DMD: variants seen among roughly 807,000 people sequenced by gnomAD.
The protein encoded by DMD is mutant dystrophin.
A neutral mutation model predicts 330.1 loss-of-function variants in DMD; 63 were observed. That is an observed-to-expected ratio of 0.19 (90% CI 0.16 to 0.24). The LOEUF (loss-of-function observed/expected upper bound fraction) is 0.24, where lower values mean the gene tolerates loss of function less well. Ranked by LOEUF, DMD falls within the 10% of genes least tolerant of loss-of-function variation. The pLI, the probability that DMD is intolerant of heterozygous loss-of-function variation, is 1.00. For missense variants in DMD, 3,344 were observed against 2,684.1 expected (o/e 1.25, Z -5.43); for synonymous variants, 1,223 against 959.8 (o/e 1.27, Z -5.07).
chrX:31,787,476 T>C (rs2091361159), intron 50 of DMD, among the ~76,000 whole-genome samples: 1 of 112,431 alleles, frequency 8.9e-6, no homozygotes, highest in African/African-American at 3.2e-5. Context: ...TGTTGGCATA[T>C]TTATTGTTTA....
chrX:31,399,115 C>T (rs2061073635), intron 60 of DMD, among the ~76,000 whole-genome samples: 1 of 111,097 alleles, frequency 9.0e-6, no homozygotes, highest in African/African-American at 3.3e-5. Flanking sequence ...TTTTCACCCA[C>T]ACGCATGGCA....
intron 71 of DMD, among the ~76,000 whole-genome samples, chrX:31,173,859 C>A (rs1421311878): frequency 8.9e-6 from 1 of 111,822 alleles, no homozygotes; most frequent in East Asian, 2.8e-4. Context: ...AAATTCCCAT[C>A]GTAGAAAAGG....
intron 2 of DMD, among the ~76,000 whole-genome samples, chrX:32,944,446 G>A (rs1241767437): frequency 1.8e-5 from 2 of 111,368 alleles, no homozygotes; most frequent in Non-Finnish European, 3.8e-5. Flanking sequence ...ACTGCATTGT[G>A]TAAAGCAGGG....
chrX:31,778,451 A>G (rs1322856885), intron 50 of DMD, among the ~76,000 whole-genome samples: 1 of 111,183 alleles, frequency 9.0e-6, no homozygotes, highest in Non-Finnish European at 1.9e-5. Flanking sequence ...GAAAAACATT[A>G]CTTAAAATAT....
At chrX:31,399,645 T>G (rs909259019) in intron 60 of DMD, among the ~76,000 whole-genome samples, 3 of 111,282 alleles carry the variant, frequency 2.7e-5, no homozygotes, top group African/African-American at 9.8e-5. Flanking sequence ...GATACTGACC[T>G]GGAGGGAGAG....
At chrX:32,595,715 T>A in intron 13 of DMD, 42 bp downstream of exon 13, 1 of 1,185,362 alleles carries the variant, frequency 8.4e-7, no homozygotes, top group Admixed American at 2.2e-5. Context: ...GTTATAGTTC[T>A]TTTAAAGGAC....
At chrX:31,254,322 A>G (rs1450882510) in intron 63 of DMD, among the ~76,000 whole-genome samples, 1 of 98,650 alleles carries the variant, frequency 1.0e-5, no homozygotes, top group East Asian at 3.6e-4. Context: ...ATTTTATTGT[A>G]TTTATAATTA....
chrX:32,306,431 T>C (rs2097540500), intron 42 of DMD, among the ~76,000 whole-genome samples: 2 of 110,865 alleles, frequency 1.8e-5, no homozygotes. Flanking sequence ...TTGTCTCTAT[T>C]TCTTGATCCT....
At chrX:32,280,322 A>G (rs1022164089) in intron 43 of DMD, among the ~76,000 whole-genome samples, 2 of 108,889 alleles carry the variant, frequency 1.8e-5, no homozygotes, top group African/African-American at 6.7e-5. Context: ...GACTGAATCC[A>G]CGGGATTCCT....
chrX:32,493,934 T>C lies in DMD; in HGVS notation c.2381-2416A>G, dbSNP rs147507969. Among the ~76,000 whole-genome samples the C allele has an allele frequency of 7.3e-3, 820 of 111,665 alleles. 2 individuals are homozygous for C. Among genetic ancestry groups the C allele is most frequent in the Middle Eastern group, 0.018 (4 of 218 alleles). Reference sequence around the variant, plus strand: ...AGAAATGCTAAATTAAAGGGACCGATAGACTGATGCTGGATTGAGTCTTAT... The same window carrying C: ...AGAAATGCTAAATTAAAGGGACCGACAGACTGATGCTGGATTGAGTCTTAT... On this transcript the variant is annotated intron_variant, in intron 19 of 78. Transcript: ENST00000357033.
intron 1 of DMD, among the ~76,000 whole-genome samples, chrX:33,063,520 C>T (rs760380444): frequency 9.0e-6 from 1 of 111,710 alleles, no homozygotes; most frequent in African/African-American, 3.2e-5. Flanking sequence ...ACACTAACAC[C>T]GTCAGAGTAA....
intron 9 of DMD, among the ~76,000 whole-genome samples, chrX:32,693,385 G>A (rs1323438731): frequency 1.8e-5 from 2 of 112,154 alleles, no homozygotes; most frequent in African/African-American, 6.5e-5. Flanking sequence ...CACATGATTA[G>A]TTATCAGGAT....
chrX:32,228,660 A>G (rs1208862103), intron 43 of DMD, among the ~76,000 whole-genome samples: 2 of 111,734 alleles, frequency 1.8e-5, no homozygotes, highest in Non-Finnish European at 3.8e-5. Flanking sequence ...GGTCTCCTTT[A>G]TAAAATGTGA....
rs781310446 is a variant in DMD, at chrX:32,618,492, C to T, written c.1332-4039G>A. Among the ~76,000 whole-genome samples the T allele has an allele frequency of 2.5e-4, 28 of 110,945 alleles. No homozygotes were observed. In the East Asian group the frequency reaches 5.1e-3, roughly 20 times the overall value. ...CACATGGGCACATAGAGGGAAACAA[C>T]AGACATGGGGCCTATTGGAGTTTGG... On this transcript the variant is annotated intron_variant, in intron 11 of 78. Coordinates refer to ENST00000357033, the MANE Select transcript of DMD (RefSeq NM_004006.3).
intron 59 of DMD, among the ~76,000 whole-genome samples, chrX:31,458,129 T>A (rs2066301641): frequency 9.0e-6 from 1 of 111,543 alleles, no homozygotes. Context: ...TCATAATGGT[T>A]CATCTTCTTT....
chrX:32,011,235 T>A (rs1000665104), intron 44 of DMD, among the ~76,000 whole-genome samples: 2 of 112,501 alleles, frequency 1.8e-5, no homozygotes, highest in Non-Finnish European at 3.7e-5. Flanking sequence ...CTCTGTTTTG[T>A]CTAAAAATCT....
At chrX:32,596,488 CCCTCATTCTTGACACCTTCT>C (rs1345866353) in intron 12 of DMD, among the ~76,000 whole-genome samples, 1 of 110,862 alleles carries the variant, frequency 9.0e-6, no homozygotes, top group Non-Finnish European at 1.9e-5. Context: ...ATTGGCCACT[CCCTCATTCTTGACACCTTCT>C]CTTGATTACC....
chrX:32,718,532 C>T (rs903559283), intron 7 of DMD, among the ~76,000 whole-genome samples: 10 of 111,585 alleles, frequency 9.0e-5, no homozygotes, highest in Admixed American at 2.9e-4. Flanking sequence ...AATGTGAGAA[C>T]GGACTAATAC....
At chrX:32,979,323 TA>T (rs1165680011) in intron 2 of DMD, among the ~76,000 whole-genome samples, 1 of 111,952 alleles carries the variant, frequency 8.9e-6, no homozygotes, top group Non-Finnish European at 1.9e-5. Context: ...TCCTAGAAAT[TA>T]ATTAGTTTAA....
Sources: allele counts gnomAD v4.1 joint callset (sites outside exome capture counted in the v4.1 genomes callset), GRCh38; gene constraint gnomAD v4.1.1; transcripts MANE v1.5; gene names NCBI Gene and HGNC (gene_info 2026-07-23, HGNC 2026-07-21).